The following MGMT variants were observed in gnomAD, a reference collection of about 807,000 sequenced individuals.
MGMT encodes methylated-DNA--protein-cysteine methyltransferase.
A neutral mutation model predicts 15.9 loss-of-function variants in MGMT; 14 were observed. That is an observed-to-expected ratio of 0.88 (90% CI 0.58 to 1.37). The LOEUF is 1.37. Ranked by LOEUF, MGMT falls within the 40% of genes most tolerant of loss-of-function variation. The pLI is 0.00. For synonymous variants in MGMT, 130 were observed against 118.2 expected, an observed-to-expected ratio of 1.10 and a Z score of -0.65; for missense variants, 282 against 268.1, an observed-to-expected ratio of 1.05 and a Z score of -0.36.
chr10:129,631,828 T>TAAAA (rs1423263641), intron 2 of MGMT, among the ~76,000 whole-genome samples: 1 of 152,168 alleles, frequency 6.6e-6, no homozygotes, highest in African/African-American at 2.4e-5. Context: ...TGTCTCAATT[T>TAAAA]AATAAATAAA....
chr10:129,727,353 C>A (rs1035790577), intron 3 of MGMT, among the ~76,000 whole-genome samples: 3 of 152,192 alleles, frequency 2.0e-5, no homozygotes, highest in Non-Finnish European at 2.9e-5. Context: ...GGTGAGGAGC[C>A]AGGGAAGTCA....
At chr10:129,741,286 G>A (rs538207299) in intron 3 of MGMT, among the ~76,000 whole-genome samples, 25 of 152,190 alleles carry the variant, frequency 1.6e-4, no homozygotes, top group African/African-American at 5.5e-4. Context: ...GGTCCCATCT[G>A]AAGAAGCCCT....
At chr10:129,685,708 A>G (rs1203873432) in intron 2 of MGMT, among the ~76,000 whole-genome samples, 1 of 152,206 alleles carries the variant, frequency 6.6e-6, no homozygotes, top group African/African-American at 2.4e-5. Context: ...AGCTCATTCA[A>G]AGAAAGTCAT....
chr10:129,591,054 G>A (rs1447136039), intron 2 of MGMT, among the ~76,000 whole-genome samples: 2 of 152,218 alleles, frequency 1.3e-5, no homozygotes, highest in Non-Finnish European at 2.9e-5. Context: ...CTGTAGGCAA[G>A]CACCTGTGGC....
At chr10:129,583,854 T>C (rs1275418995) in intron 2 of MGMT, among the ~76,000 whole-genome samples, 1 of 142,992 alleles carries the variant, frequency 7.0e-6, no homozygotes, top group Non-Finnish European at 1.6e-5. Flanking sequence ...TTTCGTTTTG[T>C]TTTTTTTGGT....
At chr10:129,638,749 A>G (rs1044521258) in intron 2 of MGMT, among the ~76,000 whole-genome samples, 11 of 152,192 alleles carry the variant, frequency 7.2e-5, no homozygotes, top group Non-Finnish European at 1.5e-4. Context: ...ATTATAATAA[A>G]TGTAAATGAA....
At chr10:129,614,065 T>C (rs908708053) in intron 2 of MGMT, among the ~76,000 whole-genome samples, 25 of 152,142 alleles carry the variant, frequency 1.6e-4, no homozygotes, top group African/African-American at 5.8e-4. Context: ...CCCCTCATCT[T>C]CCCACAGGGA....
intron 4 of MGMT, among the ~76,000 whole-genome samples, chr10:129,760,996 C>G (rs576058262): frequency 1.3e-5 from 2 of 152,294 alleles, no homozygotes; most frequent in African/African-American, 4.8e-5. Context: ...ATTTCCGAAT[C>G]AAATTTCTGA....
intron 2 of MGMT, among the ~76,000 whole-genome samples, chr10:129,638,329 C>G (rs1847285002): frequency 6.7e-6 from 1 of 149,780 alleles, no homozygotes; most frequent in Non-Finnish European, 1.5e-5. Context: ...TACATTCCCT[C>G]CAGGAAGAAG....
At chr10:129,619,881 T>C (rs1847071856) in intron 2 of MGMT, among the ~76,000 whole-genome samples, 1 of 152,188 alleles carries the variant, frequency 6.6e-6, no homozygotes. Context: ...TTGTTACAGG[T>C]TTATTCATTT....
chr10:129,665,382 G>A (rs1244986433), intron 2 of MGMT, among the ~76,000 whole-genome samples: 4 of 151,492 alleles, frequency 2.6e-5, no homozygotes, highest in African/African-American at 9.7e-5. Context: ...CCCTCACTTG[G>A]AGAACTGAGT....
At chr10:129,752,930 G>A (rs1427598280) in intron 3 of MGMT, among the ~76,000 whole-genome samples, 1 of 152,100 alleles carries the variant, frequency 6.6e-6, no homozygotes, top group East Asian at 1.9e-4. Flanking sequence ...CTTCTTTAGA[G>A]TAAGTATATG....
At chr10:129,718,610 G>T (rs1848328963) in intron 3 of MGMT, among the ~76,000 whole-genome samples, 1 of 152,236 alleles carries the variant, frequency 6.6e-6, no homozygotes, top group Non-Finnish European at 1.5e-5. Flanking sequence ...GATGAAGCCA[G>T]ACACACCTCC....
intron 2 of MGMT, among the ~76,000 whole-genome samples, chr10:129,704,047 CAG>C (rs1564767422): frequency 6.6e-6 from 1 of 152,086 alleles, no homozygotes; most frequent in African/African-American, 2.4e-5. Context: ...CCGCCTTCCC[CAG>C]GGATCAGGAC....
intron 2 of MGMT, among the ~76,000 whole-genome samples, chr10:129,541,607 T>G (rs1395064190): frequency 6.6e-6 from 1 of 152,238 alleles, no homozygotes; most frequent in Non-Finnish European, 1.5e-5. Context: ...GTAGGACTTG[T>G]AGATCTTGGA....
intron 2 of MGMT, among the ~76,000 whole-genome samples, chr10:129,645,118 CTTT>C (rs10606297): frequency 2.0e-4 from 24 of 121,922 alleles, no homozygotes; most frequent in African/African-American, 3.5e-4. Context: ...CCTGAAAGCC[CTTT>C]TTTTTTTTTT....
intron 2 of MGMT, among the ~76,000 whole-genome samples, chr10:129,617,807 T>A (rs1589896270): frequency 6.6e-6 from 1 of 152,248 alleles, no homozygotes; most frequent in East Asian, 1.9e-4. Flanking sequence ...TTAATTTGTT[T>A]AAGTTCTTTA....
intron 1 of MGMT, among the ~76,000 whole-genome samples, chr10:129,498,951 T>G (rs1319802063): frequency 2.6e-5 from 4 of 152,240 alleles, no homozygotes; most frequent in Non-Finnish European, 5.9e-5. Flanking sequence ...TCTGCATGCA[T>G]GTTAAAAACT....
intron 1 of MGMT, among the ~76,000 whole-genome samples, chr10:129,530,918 C>T (rs1286517579): frequency 2.6e-5 from 4 of 152,200 alleles, no homozygotes; most frequent in African/African-American, 9.6e-5. Context: ...CTCTCAGCTG[C>T]CCACACTCTC....
Sources: allele counts gnomAD v4.1 joint callset (sites outside exome capture counted in the v4.1 genomes callset), GRCh38; gene constraint gnomAD v4.1.1; transcripts MANE v1.5; gene names NCBI Gene and HGNC (gene_info 2026-07-23, HGNC 2026-07-21).